NEUROG3: variants seen among roughly 807,000 people sequenced by gnomAD.
NEUROG3 encodes neurogenin-3.
For synonymous variants in NEUROG3, 161 were observed against 139.2 expected (o/e 1.16, Z -1.10); for missense variants, 307 against 297.9 (o/e 1.03, Z -0.22).
At position 69,572,120 on chromosome 10, in the gene NEUROG3, G is replaced by A. The variant is rs1006630242; in HGVS notation, c.*279C>T. 4.4e-5 allele frequency: 24 copies of A among 549,320 alleles called. No homozygotes were observed. Among genetic ancestry groups the A allele is most frequent in the African/African-American group, 3.4e-4 (18 of 52,882 alleles). The allele number at this position is 549,320 out of a possible 1,614,324, so 34.0% of individuals were successfully genotyped here. On this transcript the variant is annotated 3_prime_UTR_variant, in exon 2 of 2. Coordinates refer to ENST00000242462, the MANE Select transcript of NEUROG3 (RefSeq NM_020999.4). ...TAGTATTCTTTGAATGAGATTATGGGGTGGTGGCAGAGAGGAGGCCTAAAA... is the reference window on the plus strand; with the variant it reads ...TAGTATTCTTTGAATGAGATTATGGAGTGGTGGCAGAGAGGAGGCCTAAAA...
At position 69,572,165 on chromosome 10, in the gene NEUROG3, C is replaced by T. The variant is rs1839217691; in HGVS notation, c.*234G>A. The stretch of plus-strand genomic sequence containing the variant: ...CTAAAATGAGCGCACTTTGCAATGC[C>T]CACTTCGCGCGGGCAGCAGCAAGGG... On this transcript the variant is annotated 3_prime_UTR_variant, in exon 2 of 2. Transcript: ENST00000242462. 1.7e-6 allele frequency: 1 copy of T among 595,698 alleles called. No homozygotes were observed. The highest frequency in any genetic ancestry group is 3.0e-5 in the Admixed American group (1 of 33,422). 36.9% of individuals were successfully genotyped at this position (595,698 alleles called of 1,614,324 possible).
In NEUROG3 at chr10:69,572,305, T is replaced by C. The variant is rs899199836; in HGVS notation, c.*94A>G. Reference sequence around the variant, plus strand: ...GAGAAGCAGAAGGAACAAGTGCTTTTGAGGGCCGCCGCCGTCGGCCACCCT... The same window carrying C: ...GAGAAGCAGAAGGAACAAGTGCTTTCGAGGGCCGCCGCCGTCGGCCACCCT... On this transcript the variant is annotated 3_prime_UTR_variant, in exon 2 of 2. Coordinates refer to ENST00000242462, the MANE Select transcript of NEUROG3 (RefSeq NM_020999.4). The C allele has an allele frequency of 5.6e-6, 8 of 1,418,754 alleles. No homozygotes were observed. The highest frequency in any genetic ancestry group is 7.7e-6 in the Non-Finnish European group (8 of 1,043,738). 87.9% of individuals were successfully genotyped at this position (1,418,754 alleles called of 1,614,324 possible).
At position 69,572,385 on chromosome 10, in the gene NEUROG3, A is replaced by G; in HGVS notation, c.*14T>C. The G allele has an allele frequency of 6.3e-7, 1 of 1,581,090 alleles. No homozygotes were observed. The highest frequency in any genetic ancestry group is 8.5e-7 in the Non-Finnish European group (1 of 1,171,368). On this transcript the variant is annotated 3_prime_UTR_variant, in exon 2 of 2. Coordinates refer to ENST00000242462, the MANE Select transcript of NEUROG3 (RefSeq NM_020999.4). ...TACCCTTAGCACCCACAGCCCAGCG[A>G]CAGACAGGTCCTTTCACAGAAAATC... is the stretch of plus-strand genomic sequence containing the variant.
At position 69,572,910 on chromosome 10, in the gene NEUROG3, T is replaced by A. The variant is rs1408921770; in HGVS notation, c.134A>T (p.Asn45Ile). 1 of 1,611,802 alleles carries A rather than the reference T, an allele frequency of 6.2e-7. No individual in the cohort carries two copies. The highest frequency in any genetic ancestry group is 1.7e-5 in the Admixed American group (1 of 59,968). The change falls in exon 2 of 2, where the codon AAC becomes ATC. Residue 45 changes from asparagine (N) to isoleucine (I), a missense_variant. By Grantham distance (149) the Asn-to-Ile change is moderately radical (BLOSUM62 -3). Coordinates refer to ENST00000242462, the MANE Select transcript of NEUROG3 (RefSeq NM_020999.4). The part of the protein sequence containing the change: ...APPSPTRTRG[N>I]CAEAEEGGCR... ...GCCTCCCTCTTCCGCCTCTGCGCAGTTCCCCCGTGTGCGAGTGGGGCTGGG... is the reference window on the plus strand; with the variant it reads ...GCCTCCCTCTTCCGCCTCTGCGCAGATCCCCCGTGTGCGAGTGGGGCTGGG...
chr10:69,573,159 C>A, intron 1 of NEUROG3, 51 bp downstream of exon 1: 2 of 1,165,470 alleles, frequency 1.7e-6, no homozygotes, highest in South Asian at 2.8e-5. Context: ...CCCGCTGGGT[C>A]AGAGGATCCC....
In NEUROG3 at chr10:69,572,800, G is replaced by A. The variant is rs1024312844; in HGVS notation, c.244C>T (p.Arg82Trp). ...KSELALSKQR[R>W]SRRKKANDRE... The stretch of plus-strand genomic sequence containing the variant: ...TCGTTGGCCTTCTTTCGCCGACTCC[G>A]TCGCTGCTTGCTCAGTGCCAACTCG... The change falls in exon 2 of 2, where the codon CGG becomes TGG. Residue 82 changes from arginine (R) to tryptophan (W), a missense_variant. Transcript: ENST00000242462. 1.9e-6 allele frequency: 3 copies of A among 1,613,306 alleles called. No homozygotes were observed. The highest frequency in any genetic ancestry group is 2.7e-5 in the African/African-American group (2 of 74,928).
rs1839220754 is a variant in NEUROG3 at position 69,572,300 on chromosome 10, G to T, written c.*99C>A. On this transcript the variant is annotated 3_prime_UTR_variant, in exon 2 of 2. Coordinates refer to ENST00000242462, the MANE Select transcript of NEUROG3 (RefSeq NM_020999.4). ...CCAGGGAGAAGCAGAAGGAACAAGT[G>T]CTTTTGAGGGCCGCCGCCGTCGGCC... 1 of 1,361,452 alleles carries T rather than the reference G, an allele frequency of 7.3e-7. No individual in the cohort carries two copies. Among genetic ancestry groups the T allele is most frequent in the Non-Finnish European group, 1.0e-6 (1 of 992,008 alleles). 84.3% of individuals were successfully genotyped at this position (1,361,452 alleles called of 1,614,324 possible). A position where few individuals can be genotyped will look rare whatever the true frequency, so the allele number is the denominator to read the frequency against.
chr10:69,572,507 A>G lies in NEUROG3; in HGVS notation c.537T>C (p.Ala179=), dbSNP rs758042398. The change falls in exon 2 of 2, where the codon GCT becomes GCC. Residue 179 remains alanine, a synonymous_variant. Coordinates refer to ENST00000242462, the MANE Select transcript of NEUROG3 (RefSeq NM_020999.4). ...GCGACGCGGCGGGACTCAGGCTGCC[A>G]GCCTGGGAGACTGGGGAGTAGAGGG... ...WGSLYSPVSQ[A]GSLSPAASLE... is the part of the protein sequence containing the mutation. The G allele has an allele frequency of 6.3e-7, 1 of 1,594,216 alleles. No individual in the cohort carries two copies. Among genetic ancestry groups the G allele is most frequent in the African/African-American group, 1.3e-5 (1 of 74,370 alleles).
downstream of NEUROG3, chr10:69,571,624 A>T (rs1839209485): frequency 6.6e-6 from 1 of 152,188 alleles, no homozygotes; most frequent in South Asian, 2.1e-4. Flanking sequence ...GGGGCCATAT[A>T]ATTTACTGTA....
Position 69,573,058 on chromosome 10 carries a change from A to G in NEUROG3, c.-1-14T>C, listed in dbSNP as rs771361572. ...TGAGGCGTCATCCTACGGCGGGGTC[A>G]GAGGGAAGGGTAAGTTTGAGTCCGT... is the stretch of plus-strand genomic sequence containing the variant. On this transcript the variant is annotated splice_polypyrimidine_tract_variant and intron_variant, in intron 1 of 1. Transcript: ENST00000242462. 6.2e-7 allele frequency: 1 copy of G among 1,611,396 alleles called. No individual in the cohort carries two copies. The highest frequency in any genetic ancestry group is 8.5e-7 in the Non-Finnish European group (1 of 1,179,236).
rs1357903288 is a variant in NEUROG3, at chr10:69,572,400, C to T, written c.644G>A (p.Ter215=). ...CAGCCCAGCGACAGACAGGTCCTTTCACAGAAAATCTGAGAAAGCCAGACT... is the reference window on the plus strand; with the variant it reads ...CAGCCCAGCGACAGACAGGTCCTTTTACAGAAAATCTGAGAAAGCCAGACT... ...PGSLAFSDFL[*] Residue 215 remains the stop codon, a stop_retained_variant, in exon 2 of 2, where the codon TGA becomes TAA. Transcript: ENST00000242462. The T allele has an allele frequency of 3.2e-6, 5 of 1,585,236 alleles. No individual in the cohort carries two copies. Among genetic ancestry groups the T allele is most frequent in the South Asian group, 1.1e-5 (1 of 88,794 alleles).
Position 69,572,246 on chromosome 10 carries a change from C to T in NEUROG3, c.*153G>A. 1.2e-6 allele frequency: 1 copy of T among 856,218 alleles called. No homozygotes were observed. Among genetic ancestry groups the T allele is most frequent in the Non-Finnish European group, 1.8e-6 (1 of 564,690 alleles). 53.0% of individuals were successfully genotyped at this position (856,218 alleles called of 1,614,324 possible). A position where few individuals can be genotyped will look rare whatever the true frequency, so the allele number is the denominator to read the frequency against. On this transcript the variant is annotated 3_prime_UTR_variant, in exon 2 of 2. Coordinates refer to ENST00000242462, the MANE Select transcript of NEUROG3 (RefSeq NM_020999.4). The stretch of plus-strand genomic sequence containing the variant: ...GGGAATGAACCCAGCCTGCCGCCCC[C>T]GTGGAGGCCTGGGCCGGCCAGGGGT...
downstream of NEUROG3, chr10:69,571,638 A>C (rs910130910): frequency 1.3e-5 from 2 of 152,242 alleles, no homozygotes; most frequent in Non-Finnish European, 2.9e-5. Flanking sequence ...TACTGTACCA[A>C]AATTGATTTC....
rs1197614144 is a variant in NEUROG3, at chr10:69,572,839, T to G, written c.205A>C (p.Ser69Arg). 1.2e-6 allele frequency: 2 copies of G among 1,610,740 alleles called. No individual in the cohort carries two copies. The highest frequency in any genetic ancestry group is 4.5e-5 in the East Asian group (2 of 44,776). The change falls in exon 2 of 2, where the codon AGC becomes CGC. Residue 69 changes from serine (S) to arginine (R), a missense_variant. Transcript: ENST00000242462. ...RKLRARRGGR[S>R]RPKSELALSK... ...AGTGCCAACTCGCTCTTAGGCCGGC[T>G]GCGTCCCCCGCGCCGTGCCCGGAGC...
Position 69,572,239 on chromosome 10 carries a change from C to G in NEUROG3, c.*160G>C. ...AGGGCCGGGGAATGAACCCAGCCTG[C>G]CGCCCCCGTGGAGGCCTGGGCCGGC... On this transcript the variant is annotated 3_prime_UTR_variant, in exon 2 of 2. Transcript: ENST00000242462. 2 of 809,718 alleles carry G rather than the reference C, an allele frequency of 2.5e-6. No homozygotes were observed. Among genetic ancestry groups the G allele is most frequent in the Non-Finnish European group, 3.8e-6 (2 of 524,994 alleles). 50.2% of individuals were successfully genotyped at this position (809,718 alleles called of 1,614,324 possible).
rs1353095128 is a variant in NEUROG3, at chr10:69,572,196, T to C, written c.*203A>G. 1.6e-6 allele frequency: 1 copy of C among 629,578 alleles called. No homozygotes were observed. Among genetic ancestry groups the C allele is most frequent in the Non-Finnish European group, 2.7e-6 (1 of 364,264 alleles). 39.0% of individuals were successfully genotyped at this position (629,578 alleles called of 1,614,324 possible). A position where few individuals can be genotyped will look rare whatever the true frequency, so the allele number is the denominator to read the frequency against. On this transcript the variant is annotated 3_prime_UTR_variant, in exon 2 of 2. Coordinates refer to ENST00000242462, the MANE Select transcript of NEUROG3 (RefSeq NM_020999.4). The stretch of plus-strand genomic sequence containing the variant: ...CGCGCGGGCAGCAGCAAGGGTTGCG[T>C]GCGTTGGCGCGGCTCGGAGGGCCGG...
In NEUROG3 at chr10:69,572,081, T is replaced by G; in HGVS notation, c.*318A>C. 1 of 397,444 alleles carries G rather than the reference T, an allele frequency of 2.5e-6. No individual in the cohort carries two copies. The highest frequency in any genetic ancestry group is 4.6e-6 in the Non-Finnish European group (1 of 218,460). The allele number at this position is 397,444 out of a possible 1,614,324, so 24.6% of individuals were successfully genotyped here. Reference sequence around the variant, plus strand: ...AAGACGGTGGGCGGCTCCGGCCGGGTAGTGCTACCATTCTAGTATTCTTTG... The same window carrying G: ...AAGACGGTGGGCGGCTCCGGCCGGGGAGTGCTACCATTCTAGTATTCTTTG... On this transcript the variant is annotated 3_prime_UTR_variant, in exon 2 of 2. Transcript: ENST00000242462.
chr10:69,573,282 G>A lies in NEUROG3; in HGVS notation c.-74C>T. 3 of 581,802 alleles carry A rather than the reference G, an allele frequency of 5.2e-6. No individual in the cohort carries two copies. In the East Asian group the frequency reaches 8.9e-5, roughly 17 times the overall value. 36.0% of individuals were successfully genotyped at this position (581,802 alleles called of 1,614,324 possible). A position where few individuals can be genotyped will look rare whatever the true frequency, so the allele number is the denominator to read the frequency against. ...TGGGGAGCTCAGCGGGCTTCTGGTCGCCAAGTTCAGCTGAGCTGCAGGCGC... is the reference window on the plus strand; with the variant it reads ...TGGGGAGCTCAGCGGGCTTCTGGTCACCAAGTTCAGCTGAGCTGCAGGCGC... On this transcript the variant is annotated 5_prime_UTR_variant, in exon 1 of 2. Coordinates refer to ENST00000242462, the MANE Select transcript of NEUROG3 (RefSeq NM_020999.4).
At position 69,571,811 on chromosome 10, in the gene NEUROG3, C is replaced by T. The variant is rs1199792557; in HGVS notation, c.*588G>A. 3.3e-5 allele frequency: 5 copies of T among 152,312 alleles called. No individual in the cohort carries two copies. The highest frequency in any genetic ancestry group is 1.2e-4 in the African/African-American group (5 of 41,468). The allele number at this position is 152,312 out of a possible 1,614,324, so 9.4% of individuals were successfully genotyped here. On this transcript the variant is annotated 3_prime_UTR_variant, in exon 2 of 2. Coordinates refer to ENST00000242462, the MANE Select transcript of NEUROG3 (RefSeq NM_020999.4). ...CCCAGTTCACAGCCTGGTCTTCCGC[C>T]CCGGGAGGGCAATGGCTCCGAAAAG...
Sources: gnomAD v4.1 joint callset for allele counts on GRCh38, gnomAD v4.1.1 for gene constraint, MANE v1.5 for transcripts, NCBI Gene and HGNC (gene_info 2026-07-23, HGNC 2026-07-21) for gene names.